MARCHF1: variants seen among roughly 807,000 people sequenced by gnomAD.
MARCHF1 encodes the protein E3 ubiquitin-protein ligase MARCHF1.
Under a neutral mutation model 54.2 loss-of-function variants are expected in MARCHF1, and 40 were observed. That is an observed-to-expected ratio of 0.74 (90% CI 0.57 to 0.96). The LOEUF (loss-of-function observed/expected upper bound fraction) is 0.96. Ranked by LOEUF, MARCHF1 falls within the 40% of genes least tolerant of loss-of-function variation. The probability of loss-of-function intolerance (pLI) is 0.00; values close to 1 mark genes in which losing one functional copy is unlikely to be tolerated. For missense variants in MARCHF1, 586 were observed against 656.5 expected (o/e 0.89, Z 1.17); for synonymous variants, 236 against 236.3 (o/e 1.00, Z 0.01).
intron 4 of MARCHF1, among the ~76,000 whole-genome samples, chr4:163,806,057 G>A (rs545598312): frequency 1.3e-5 from 2 of 152,258 alleles, no homozygotes; most frequent in African/African-American, 4.8e-5. Context: ...GTTAGTTCAT[G>A]CACTAAACTT....
At chr4:164,311,037 A>G (rs1461827510) in intron 1 of MARCHF1, among the ~76,000 whole-genome samples, 3 of 152,192 alleles carry the variant, frequency 2.0e-5, no homozygotes, top group Non-Finnish European at 4.4e-5. Context: ...CAAGGAAAAT[A>G]AAAAGTGGAA....
In MARCHF1 at chr4:164,367,819, C is replaced by T. The variant is rs76009815; in HGVS notation, c.-323+16051G>A. 1.3e-3 allele frequency among the ~76,000 whole-genome samples: 202 copies of T among 151,456 alleles called. 1 individual carries two copies. Among genetic ancestry groups the T allele is most frequent in the Non-Finnish European group, 2.5e-3 (167 of 67,760 alleles). On this transcript the variant is annotated intron_variant, in intron 1 of 9. Transcript: ENST00000514618. ...ATTCACCTGTGAAATTGCATGAGTC[C>T]AGTGCAGGAAGGTGTAAATTAACCT...
chr4:164,248,748 T>C (rs193299550), intron 1 of MARCHF1, among the ~76,000 whole-genome samples: 8 of 152,146 alleles, frequency 5.3e-5, no homozygotes, highest in Non-Finnish European at 8.8e-5. Context: ...TAAAAAAATA[T>C]ATATATTACT....
At chr4:164,116,454 T>TTG (rs1279458604) in intron 1 of MARCHF1, among the ~76,000 whole-genome samples, 3 of 152,162 alleles carry the variant, frequency 2.0e-5, no homozygotes, top group Admixed American at 6.6e-5. Context: ...AAGTGTGTGC[T>TTG]TGTGTGTGTG....
At chr4:163,597,434 C>G (rs1270364480) in intron 7 of MARCHF1, among the ~76,000 whole-genome samples, 1 of 152,136 alleles carries the variant, frequency 6.6e-6, no homozygotes, top group Non-Finnish European at 1.5e-5. Context: ...TCTCCAAAAG[C>G]TGTGTATGAA....
intron 8 of MARCHF1, chr4:163,584,783 G>A (rs1740352538): frequency 2.6e-5 from 4 of 151,854 alleles, no homozygotes. Context: ...GCTCATTCTG[G>A]AACTCGTTGT....
chr4:163,645,112 G>T (rs1742704189), intron 5 of MARCHF1, among the ~76,000 whole-genome samples: 1 of 152,078 alleles, frequency 6.6e-6, no homozygotes, highest in African/African-American at 2.4e-5. Flanking sequence ...CATAAACCTG[G>T]TAACAGGCCC....
At chr4:164,143,490 A>C (rs1327611938) in intron 1 of MARCHF1, among the ~76,000 whole-genome samples, 1 of 151,132 alleles carries the variant, frequency 6.6e-6, no homozygotes, top group Admixed American at 6.6e-5. Flanking sequence ...GAAACTCTAC[A>C]AGCCAGAAGA....
intron 2 of MARCHF1, among the ~76,000 whole-genome samples, chr4:164,051,916 C>A (rs1207463270): frequency 6.6e-6 from 1 of 152,070 alleles, no homozygotes; most frequent in Non-Finnish European, 1.5e-5. Flanking sequence ...CACATAGCCC[C>A]CTCAAAATGC....
At chr4:163,579,787 A>G (rs1401101764) in intron 8 of MARCHF1, among the ~76,000 whole-genome samples, 1 of 152,160 alleles carries the variant, frequency 6.6e-6, no homozygotes, top group Non-Finnish European at 1.5e-5. Flanking sequence ...TCAGTCTTAT[A>G]CATTTGTGAA....
At chr4:164,352,526 A>G (rs1178647986) in intron 1 of MARCHF1, among the ~76,000 whole-genome samples, 1 of 142,892 alleles carries the variant, frequency 7.0e-6, no homozygotes, top group African/African-American at 2.5e-5. Context: ...TCATAAGTGA[A>G]GGAGAAATAA....
rs146225662 is a variant in MARCHF1, at chr4:163,784,373, G to C, written c.111+69648C>G. Among the ~76,000 whole-genome samples the C allele has an allele frequency of 3.0e-3, 450 of 152,222 alleles. 1 individual carries two copies. Among genetic ancestry groups the C allele is most frequent in the African/African-American group, 9.5e-3 (395 of 41,556 alleles). ...CAACACACATTTTAGCTAGTCTATA[G>C]AGGAACACATTCCTATAAATGGACT... On this transcript the variant is annotated intron_variant, in intron 4 of 9. Coordinates refer to ENST00000514618, the MANE Select transcript of MARCHF1 (RefSeq NM_001394959.1).
intron 3 of MARCHF1, chr4:163,933,048 T>C: frequency 2.0e-6 from 3 of 1,478,488 alleles, no homozygotes; most frequent in Non-Finnish European, 2.8e-6. Context: ...TTCTGTATTT[T>C]ACTATGAGAT....
At chr4:163,821,794 T>G (rs75159927) in intron 4 of MARCHF1, among the ~76,000 whole-genome samples, 1 of 1,804 alleles carries the variant, frequency 5.5e-4, no homozygotes, top group Admixed American at 9.8e-3. Flanking sequence ...GAAAAGAGGG[T>G]TTTTTTTTTT....
At chr4:163,863,627 T>C (rs1401752867) in intron 3 of MARCHF1, among the ~76,000 whole-genome samples, 2 of 152,072 alleles carry the variant, frequency 1.3e-5, no homozygotes, top group Non-Finnish European at 2.9e-5. Context: ...TATACATTCA[T>C]ATCTCACTGC....
intron 1 of MARCHF1, among the ~76,000 whole-genome samples, chr4:164,241,357 T>A (rs1318285556): frequency 3.3e-5 from 5 of 152,330 alleles, no homozygotes; most frequent in Non-Finnish European, 7.3e-5. Flanking sequence ...GCTCTTTCTT[T>A]GCTGCAACAT....
chr4:164,128,720 C>T (rs1756239386), intron 1 of MARCHF1, among the ~76,000 whole-genome samples: 1 of 152,106 alleles, frequency 6.6e-6, no homozygotes, highest in African/African-American at 2.4e-5. Context: ...ATTGACTCAG[C>T]ACTCCCACTC....
intron 1 of MARCHF1, among the ~76,000 whole-genome samples, chr4:164,292,122 G>T (rs1469324959): frequency 1.3e-5 from 2 of 151,958 alleles, no homozygotes; most frequent in Non-Finnish European, 2.9e-5. Flanking sequence ...CAACACATTT[G>T]CTATTTAAAA....
intron 2 of MARCHF1, among the ~76,000 whole-genome samples, chr4:164,013,605 G>A (rs180850477): frequency 6.6e-6 from 1 of 152,086 alleles, no homozygotes; most frequent in East Asian, 1.9e-4. Flanking sequence ...ACTCTCAAAG[G>A]TCAAGGATAC....
Sources: gnomAD v4.1 joint callset for allele counts (sites outside exome capture counted in the v4.1 genomes callset) on GRCh38, gnomAD v4.1.1 for gene constraint, MANE v1.5 for transcripts, NCBI Gene and HGNC (gene_info 2026-07-23, HGNC 2026-07-21) for gene names.